Variants in BTBD10 observed in about 807,000 individuals in gnomAD.
The protein encoded by BTBD10 is BTB domain containing 10.
In BTBD10, 21 loss-of-function variants were observed where a neutral mutation model predicts 53.2. The observed-to-expected ratio is 0.39, with a 90% CI of 0.28 to 0.57. The LOEUF is 0.57. BTBD10 is among the 20% of genes least tolerant of loss of function. The probability of loss-of-function intolerance (pLI) is 0.53; values close to 1 mark genes in which losing one functional copy is unlikely to be tolerated. For missense variants in BTBD10, 360 were observed against 594.7 expected, an observed-to-expected ratio of 0.61 and a Z score of 4.10; for synonymous variants, 149 against 192.7, an observed-to-expected ratio of 0.77 and a Z score of 1.88.
At chr11:13,459,661 C>T (rs984571379) in intron 1 of BTBD10, 5 of 152,216 alleles carry the variant, frequency 3.3e-5, no homozygotes, top group African/African-American at 1.2e-4. Flanking sequence ...GCAAATTAAA[C>T]TTACCCAGTT....
intron 1 of BTBD10, among the ~76,000 whole-genome samples, chr11:13,447,977 A>C (rs1205127970): frequency 6.6e-6 from 1 of 152,186 alleles, no homozygotes; most frequent in African/African-American, 2.4e-5. Context: ...TTATAACTGT[A>C]AATGGTTGAA....
At chr11:13,414,836 T>A (rs1194614835) in intron 5 of BTBD10, among the ~76,000 whole-genome samples, 20 of 96,048 alleles carry the variant, frequency 2.1e-4, no homozygotes, top group African/African-American at 7.9e-4. Flanking sequence ...CGAGCCTCCA[T>A]CTCAAACGAA....
chr11:13,402,563 C>T (rs1362836874), intron 8 of BTBD10, among the ~76,000 whole-genome samples: 1 of 152,118 alleles, frequency 6.6e-6, no homozygotes, highest in Non-Finnish European at 1.5e-5. Flanking sequence ...TCAATTAAGA[C>T]ACTTTGTTCC....
chr11:13,438,046 G>T (rs1020463753), intron 2 of BTBD10, among the ~76,000 whole-genome samples: 12 of 151,824 alleles, frequency 7.9e-5, no homozygotes, highest in African/African-American at 2.9e-4. Flanking sequence ...AGGTGGTAGT[G>T]GTTTCCTCTT....
At chr11:13,390,832 T>C (rs1202347198) in intron 8 of BTBD10, among the ~76,000 whole-genome samples, 2 of 151,920 alleles carry the variant, frequency 1.3e-5, no homozygotes, top group African/African-American at 2.4e-5. Context: ...ATGTGTGGAG[T>C]ATGTGTGTAT....
chr11:13,405,544 A>G, intron 7 of BTBD10, 115 bp downstream of exon 7: 5 of 1,116,996 alleles, frequency 4.5e-6, no homozygotes, highest in Non-Finnish European at 5.2e-6. Context: ...ATTTATAAAA[A>G]TAGGTGATGG....
intron 2 of BTBD10, 99 bp downstream of exon 2, chr11:13,444,925 C>T: frequency 1.3e-6 from 1 of 764,106 alleles, no homozygotes; most frequent in Non-Finnish European, 2.1e-6. Flanking sequence ...AAACAGCCCC[C>T]ATTCTCTGAC....
At chr11:13,408,960 T>G (rs945308328) in intron 6 of BTBD10, among the ~76,000 whole-genome samples, 2 of 152,226 alleles carry the variant, frequency 1.3e-5, no homozygotes, top group Admixed American at 6.5e-5. Context: ...GACTTCTGTG[T>G]GAACAGGGCC....
At chr11:13,395,115 C>A (rs1949507864) in intron 8 of BTBD10, among the ~76,000 whole-genome samples, 1 of 146,352 alleles carries the variant, frequency 6.8e-6, no homozygotes, top group Non-Finnish European at 1.5e-5. Context: ...GAGGAATCGC[C>A]ACACCAACTT....
At chr11:13,398,197 C>A (rs1177026545) in intron 8 of BTBD10, among the ~76,000 whole-genome samples, 3 of 151,878 alleles carry the variant, frequency 2.0e-5, no homozygotes, top group Non-Finnish European at 2.9e-5. Context: ...GTAGGTCACT[C>A]AGGACTTGCT....
chr11:13,462,719 T>C (rs1299633113), intron 1 of BTBD10: 1 of 152,232 alleles, frequency 6.6e-6, no homozygotes, highest in Non-Finnish European at 1.5e-5. Context: ...TTATCCCCTA[T>C]TGTGATGCGC....
intron 3 of BTBD10, among the ~76,000 whole-genome samples, chr11:13,420,727 T>C (rs1950227157): frequency 6.6e-6 from 1 of 152,142 alleles, no homozygotes; most frequent in African/African-American, 2.4e-5. Context: ...ACACCTCCCT[T>C]TTATTGCCTG....
chr11:13,402,086 C>G (rs1211815034), intron 8 of BTBD10, among the ~76,000 whole-genome samples: 1 of 152,176 alleles, frequency 6.6e-6, no homozygotes, highest in Non-Finnish European at 1.5e-5. Flanking sequence ...GACCAAGTAG[C>G]TAAATCTCAC....
Position 13,388,700 on chromosome 11 carries a change from C to A in BTBD10, c.*131G>T, listed in dbSNP as rs149291328. The stretch of plus-strand genomic sequence containing the variant: ...CAGCTACCTTTGGTCTTTAAAAAAG[C>A]CTACACTGCAATATCCTAAACATTG... On this transcript the variant is annotated 3_prime_UTR_variant, in exon 9 of 9. Transcript: ENST00000278174. 26 of 1,004,120 alleles carry A rather than the reference C, an allele frequency of 2.6e-5. No individual in the cohort carries two copies. Among genetic ancestry groups the A allele is most frequent in the African/African-American group, 3.2e-5 (2 of 62,208 alleles). The allele number at this position is 1,004,120 out of a possible 1,614,324, so 62.2% of individuals were successfully genotyped here.
At chr11:13,447,847 T>C (rs1374876667) in intron 1 of BTBD10, among the ~76,000 whole-genome samples, 2 of 152,116 alleles carry the variant, frequency 1.3e-5, no homozygotes, top group Non-Finnish European at 2.9e-5. Flanking sequence ...ATAAGCGGAA[T>C]TCAAATTGAG....
intron 2 of BTBD10, among the ~76,000 whole-genome samples, chr11:13,423,657 C>T (rs1399311067): frequency 6.6e-6 from 1 of 152,110 alleles, no homozygotes; most frequent in South Asian, 2.1e-4. Context: ...ATCTAATCTT[C>T]GTGATTCAGA....
In BTBD10 at chr11:13,388,553, CTG is replaced by C. The variant is rs922566909; in HGVS notation, c.*276_*277del. 27 of 323,934 alleles carry C rather than the reference CTG, an allele frequency of 8.3e-5. No individual in the cohort carries two copies. The highest frequency in any genetic ancestry group is 3.7e-4 in the African/African-American group (18 of 48,440). 20.1% of individuals were successfully genotyped at this position (323,934 alleles called of 1,614,324 possible). ...TTCCACCACTTCTGAAAAGACCTAG[CTG>C]TGTGAAAAAGGACCATCCCCCATAC... is the stretch of plus-strand genomic sequence containing the variant. On this transcript the variant is annotated 3_prime_UTR_variant, in exon 9 of 9. Coordinates refer to ENST00000278174, the MANE Select transcript of BTBD10 (RefSeq NM_032320.7).
At chr11:13,448,991 T>C (rs1339545613) in intron 1 of BTBD10, among the ~76,000 whole-genome samples, 1 of 152,154 alleles carries the variant, frequency 6.6e-6, no homozygotes, top group Non-Finnish European at 1.5e-5. Context: ...AGAAATCATC[T>C]GTACAGAGGC....
chr11:13,399,941 G>A (rs905323187), intron 8 of BTBD10, among the ~76,000 whole-genome samples: 1 of 152,150 alleles, frequency 6.6e-6, no homozygotes, highest in African/African-American at 2.4e-5. Flanking sequence ...GCCGTGTGAG[G>A]TGTCAGTCCG....
Sources: gnomAD v4.1 joint callset for allele counts (sites outside exome capture counted in the v4.1 genomes callset) on GRCh38, gnomAD v4.1.1 for gene constraint, MANE v1.5 for transcripts, NCBI Gene and HGNC (gene_info 2026-07-23, HGNC 2026-07-21) for gene names.